Variants in ZNF558 observed in about 807,000 individuals in gnomAD.
The protein encoded by ZNF558 is zinc finger protein 558.
A neutral mutation model predicts 37.6 loss-of-function variants in ZNF558; 23 were observed. That is an observed-to-expected ratio of 0.61 (90% CI 0.44 to 0.87). The LOEUF is 0.87. ZNF558 is among the 40% of genes least tolerant of loss of function. ZNF558 has a pLI of 0.00. For synonymous variants in ZNF558, 189 were observed against 174.4 expected, an observed-to-expected ratio of 1.08 and a Z score of -0.66; for missense variants, 429 against 483.7, an observed-to-expected ratio of 0.89 and a Z score of 1.06.
At chr19:8,821,643 G>T in intron 6 of ZNF558, 1 of 1,317,486 alleles carries the variant, frequency 7.6e-7, no homozygotes. Flanking sequence ...AATCTCCAGG[G>T]GATCATGGGC....
rs1555767975 is a variant in ZNF558, at chr19:8,811,514, C to G, written c.976G>C (p.Gly326Arg). The G allele has an allele frequency of 3.1e-6, 5 of 1,614,046 alleles. No homozygotes were observed. The South Asian group carries it at 5.5e-5, about 18-fold the overall frequency. Residue 326 changes from glycine to arginine, a missense_variant, in exon 10 of 10, where the codon GGG (glycine) becomes CGG (arginine). Gly to Arg is a moderately radical substitution (Grantham distance 125). Coordinates refer to ENST00000601372, the MANE Select transcript of ZNF558 (RefSeq NM_144693.3). ...GEKPYECNECGKSFSSSFSLT... is the reference protein window; with the variant it reads ...GEKPYECNECRKSFSSSFSLT... ...GAAAAGCTACTGCTGAAGGATTTCC[C>G]ACACTCGTTACATTCATAGGGTTTT...
Position 8,832,257 on chromosome 19 carries a change from G to T in ZNF558, c.-641C>A, listed in dbSNP as rs1049454036. 1.3e-5 allele frequency: 2 copies of T among 152,094 alleles called. No individual in the cohort carries two copies. Among genetic ancestry groups the T allele is most frequent in the Admixed American group, 6.5e-5 (1 of 15,268 alleles). The allele number at this position is 152,094 out of a possible 1,614,324, so 9.4% of individuals were successfully genotyped here. A position where few individuals can be genotyped will look rare whatever the true frequency, so the allele number is the denominator to read the frequency against. On this transcript the variant is annotated 5_prime_UTR_variant, in exon 1 of 10. Transcript: ENST00000601372. ...CCAAAAGCGCCGACTCGCGGGGACG[G>T]AGGGACTCGCTCCCCGCTGCCCCAC... is the stretch of plus-strand genomic sequence containing the variant.
intron 4 of ZNF558, among the ~76,000 whole-genome samples, chr19:8,823,334 G>A (rs1037405503): frequency 6.7e-6 from 1 of 148,962 alleles, no homozygotes; most frequent in African/African-American, 2.5e-5. Context: ...GCAGGCCTCA[G>A]TCACCTCCTC....
upstream of ZNF558, among the ~76,000 whole-genome samples, chr19:8,836,969 T>G (rs956673653): frequency 2.0e-5 from 3 of 152,326 alleles, no homozygotes; most frequent in East Asian, 1.9e-4. Context: ...ACAAAGGCTA[T>G]GAACCACACA....
Position 8,831,389 on chromosome 19 carries a change from A to G in ZNF558, c.-580T>C, listed in dbSNP as rs935098229. On this transcript the variant is annotated 5_prime_UTR_variant, in exon 2 of 10. Transcript: ENST00000601372. Reference sequence around the variant, plus strand: ...TTCAACACGAATCTGAGCTTGAATGATGCTTTTCTCATCTGAAAAAAAAAA... The same window carrying G: ...TTCAACACGAATCTGAGCTTGAATGGTGCTTTTCTCATCTGAAAAAAAAAA... 7.2e-6 allele frequency: 1 copy of G among 139,702 alleles called. No individual in the cohort carries two copies. Among genetic ancestry groups the G allele is most frequent in the African/African-American group, 2.6e-5 (1 of 39,148 alleles). 8.7% of individuals were successfully genotyped at this position (139,702 alleles called of 1,614,324 possible).
upstream of ZNF558, among the ~76,000 whole-genome samples, chr19:8,834,219 GA>G: frequency 6.6e-6 from 1 of 152,162 alleles, no homozygotes; most frequent in Middle Eastern, 3.2e-3. Flanking sequence ...AAGCAAAAAT[GA>G]ACAAGTTCAA....
Position 8,822,392 on chromosome 19 carries a change from GA to G in ZNF558, c.31+236del, listed in dbSNP as rs1293512261. On this transcript the variant is annotated intron_variant, in intron 5 of 9. Transcript: ENST00000601372. The surrounding 1 kb of genome is among the most constrained non-coding windows in gnomAD (Gnocchi z 4.4). ...TGTGTTTTTATCAGATTCACAGAAA[GA>G]ACTAAAGGGAGAATTCAAAAGCTCC... 2.6e-5 allele frequency among the ~76,000 whole-genome samples: 4 copies of G among 152,160 alleles called. No individual in the cohort carries two copies. Among genetic ancestry groups the G allele is most frequent in the Admixed American group, 2.6e-4 (4 of 15,272 alleles).
intron 7 of ZNF558, among the ~76,000 whole-genome samples, chr19:8,820,197 G>A (rs923697846): frequency 6.6e-6 from 1 of 152,178 alleles, no homozygotes; most frequent in African/African-American, 2.4e-5. Flanking sequence ...GTGCAATGGT[G>A]CAGCTGCTGT....
chr19:8,813,233 A>T lies in ZNF558; in HGVS notation c.248-11T>A. The T allele has an allele frequency of 3.8e-6, 6 of 1,571,970 alleles. No individual in the cohort carries two copies. Among genetic ancestry groups the T allele is most frequent in the Non-Finnish European group, 5.2e-6 (6 of 1,155,530 alleles). On this transcript the variant is annotated splice_polypyrimidine_tract_variant and intron_variant, in intron 7 of 9. Transcript: ENST00000601372. ...TATTAACACGACACCCTATTTATGG[A>T]AACAATACACATGATATAGGTAACA... is the stretch of plus-strand genomic sequence containing the variant.
chr19:8,825,399 T>C (rs774771771), intron 2 of ZNF558, among the ~76,000 whole-genome samples: 42 of 151,806 alleles, frequency 2.8e-4, no homozygotes, highest in Admixed American at 9.9e-4. Flanking sequence ...TGCAGCAACT[T>C]AATAAATAAC....
At chr19:8,829,513 G>A (rs1265179203) in intron 2 of ZNF558, among the ~76,000 whole-genome samples, 1 of 152,100 alleles carries the variant, frequency 6.6e-6, no homozygotes, top group African/African-American at 2.4e-5. Flanking sequence ...GTTCACTAGT[G>A]CCAAGCTCCC....
upstream of ZNF558, among the ~76,000 whole-genome samples, chr19:8,834,461 A>C (rs1599307086): frequency 5.3e-5 from 8 of 151,548 alleles, 1 homozygote; most frequent in Admixed American, 1.3e-4. Context: ...TACCAAAATT[A>C]GCTGGGCGTG....
Position 8,811,398 on chromosome 19 carries a change from C to A in ZNF558, c.1092G>T (p.Lys364Asn), listed in dbSNP as rs781806142. 1.2e-6 allele frequency: 2 copies of A among 1,613,050 alleles called. No individual in the cohort carries two copies. Among genetic ancestry groups the A allele is most frequent in the African/African-American group, 2.7e-5 (2 of 74,692 alleles). The change falls in exon 10 of 10, where the codon AAG (lysine) becomes AAT (asparagine). Residue 364 changes from lysine (K) to asparagine (N), a missense_variant. Lys to Asn is a moderately conservative substitution (Grantham distance 94, BLOSUM62 0). Coordinates refer to ENST00000601372, the MANE Select transcript of ZNF558 (RefSeq NM_144693.3). ...GKAFNNLSAV[K>N]KHLRTHTGEK... ...CTCCAGTGTGAGTTCTTAAGTGTTT[C>A]TTCACAGCTGAGAGATTATTAAAGG...
Position 8,822,736 on chromosome 19 carries a change from G to T in ZNF558, c.-65-12C>A. ...TATCCCGCAGCGCTCTGGAAGAAAC[G>T]GGAATGCTCCAAGTCTCCGTGGCCT... On this transcript the variant is annotated splice_polypyrimidine_tract_variant and intron_variant, in intron 4 of 9. Coordinates refer to ENST00000601372, the MANE Select transcript of ZNF558 (RefSeq NM_144693.3). This position sits in a 1 kb window ranked among gnomAD's most constrained non-coding sequence, Gnocchi z 4.4. 6.2e-7 allele frequency: 1 copy of T among 1,610,488 alleles called. No homozygotes were observed. Among genetic ancestry groups the T allele is most frequent in the East Asian group, 2.2e-5 (1 of 44,808 alleles).
At chr19:8,825,528 C>A (rs925174212) in intron 2 of ZNF558, among the ~76,000 whole-genome samples, 3 of 151,996 alleles carry the variant, frequency 2.0e-5, no homozygotes, top group Non-Finnish European at 2.9e-5. Context: ...AAAAAAAAAT[C>A]AAGGTACAAA....
upstream of ZNF558, among the ~76,000 whole-genome samples, chr19:8,837,129 C>T (rs1435957443): frequency 6.6e-6 from 1 of 152,208 alleles, no homozygotes; most frequent in Non-Finnish European, 1.5e-5. Context: ...TGACCTCGCC[C>T]TCTGCTAGCA....
rs2043748469 is a variant in ZNF558 at position 8,810,093 on chromosome 19, T to C, written c.*1188A>G. On this transcript the variant is annotated 3_prime_UTR_variant, in exon 10 of 10. Coordinates refer to ENST00000601372, the MANE Select transcript of ZNF558 (RefSeq NM_144693.3). ...TCACTGAAGGCTTTCTCTTCTTCTT[T>C]ATATTTCAAGTTTCTCTGTAGTGTG... The C allele has an allele frequency of 6.6e-6, 1 of 152,214 alleles. No homozygotes were observed. Among genetic ancestry groups the C allele is most frequent in the South Asian group, 2.1e-4 (1 of 4,830 alleles). 9.4% of individuals were successfully genotyped at this position (152,214 alleles called of 1,614,324 possible). A position where few individuals can be genotyped will look rare whatever the true frequency, so the allele number is the denominator to read the frequency against.
chr19:8,827,404 T>C (rs936985819), intron 2 of ZNF558, among the ~76,000 whole-genome samples: 1 of 152,226 alleles, frequency 6.6e-6, no homozygotes, highest in East Asian at 1.9e-4. Context: ...TTCTGAATCC[T>C]GAAGTCCTTG....
At chr19:8,816,602 A>C (rs988599372) in intron 7 of ZNF558, among the ~76,000 whole-genome samples, 1 of 152,210 alleles carries the variant, frequency 6.6e-6, no homozygotes, top group South Asian at 2.1e-4. Context: ...AGACCTTCCC[A>C]TAAACAAAGA....
Sources: gnomAD v4.1 joint callset for allele counts (sites outside exome capture counted in the v4.1 genomes callset) on GRCh38, gnomAD v4.1.1 for gene constraint, Gnocchi (gnomAD v3.1) non-coding constraint, MANE v1.5 for transcripts, NCBI Gene and HGNC (gene_info 2026-07-23, HGNC 2026-07-21) for gene names.